DAB1: variants seen among roughly 807,000 people sequenced by gnomAD.
The protein encoded by DAB1 is DAB adaptor protein 1, also known as disabled homolog 1.
Under a neutral mutation model 64.6 loss-of-function variants are expected in DAB1, and 15 were observed. The observed-to-expected ratio is 0.23, with a 90% CI of 0.16 to 0.36. DAB1 has a LOEUF of 0.36. Among genes scored for constraint, DAB1 ranks in the 10% least tolerant of loss-of-function variants. The pLI is 1.00. For synonymous variants in DAB1, 235 were observed against 251.9 expected, an observed-to-expected ratio of 0.93 and a Z score of 0.64; for missense variants, 596 against 706.7, an observed-to-expected ratio of 0.84 and a Z score of 1.78.
At chr1:58,449,487 A>G (rs566774642) in intron 3 of DAB1, among the ~76,000 whole-genome samples, 3 of 152,324 alleles carry the variant, frequency 2.0e-5, no homozygotes, top group African/African-American at 7.2e-5. Flanking sequence ...ATAGGATAGG[A>G]GAGACCAACC....
At chr1:57,668,029 A>AT (rs150757112) in intron 6 of DAB1, among the ~76,000 whole-genome samples, 3 of 149,916 alleles carry the variant, frequency 2.0e-5, no homozygotes, top group South Asian at 4.2e-4. Flanking sequence ...TTAAAGTAAA[A>AT]TTTAAAAAAA....
At chr1:57,624,046 C>T (rs1051753293) in intron 7 of DAB1, among the ~76,000 whole-genome samples, 5 of 152,168 alleles carry the variant, frequency 3.3e-5, no homozygotes, top group African/African-American at 1.2e-4. Flanking sequence ...TCTCTGGGGA[C>T]CCCAGGCAAG....
chr1:58,446,003 CTT>C (rs975537503), intron 3 of DAB1, among the ~76,000 whole-genome samples: 7 of 152,152 alleles, frequency 4.6e-5, no homozygotes, highest in Non-Finnish European at 1.0e-4. Flanking sequence ...CCAGGACTGT[CTT>C]TGTTTTAGAA....
At chr1:57,978,587 G>T (rs1645982339) in intron 5 of DAB1, among the ~76,000 whole-genome samples, 1 of 152,116 alleles carries the variant, frequency 6.6e-6, no homozygotes, top group South Asian at 2.1e-4. Flanking sequence ...AAACTAAACG[G>T]CTTCTGCAAA....
chr1:58,262,989 C>CGA (rs1661082696), intron 4 of DAB1, among the ~76,000 whole-genome samples: 1 of 152,090 alleles, frequency 6.6e-6, no homozygotes, highest in Admixed American at 6.5e-5. Flanking sequence ...GTAACATGAG[C>CGA]GAGAAATAAA....
At chr1:57,253,173 C>T (rs570173931) in intron 2 of DAB1, among the ~76,000 whole-genome samples, 3 of 152,260 alleles carry the variant, frequency 2.0e-5, no homozygotes, top group Non-Finnish European at 4.4e-5. Flanking sequence ...GTCAGGCCAA[C>T]CAGGGCAAGC....
At chr1:57,820,875 T>G (rs1489816424) in intron 6 of DAB1, among the ~76,000 whole-genome samples, 1 of 152,212 alleles carries the variant, frequency 6.6e-6, no homozygotes, top group Non-Finnish European at 1.5e-5. Context: ...TATTGCTCAA[T>G]AGCTTATGAG....
Position 57,487,858 on chromosome 1 carries a change from T to C in DAB1, n.625+161734A>G, listed in dbSNP as rs145894841. Among the ~76,000 whole-genome samples, 1,093 of 152,334 alleles carry C rather than the reference T, an allele frequency of 7.2e-3. 8 individuals are homozygous for C. The highest frequency in any genetic ancestry group is 0.025 in the African/African-American group (1,033 of 41,568). On this transcript the variant is annotated intron_variant and non_coding_transcript_variant, in intron 7 of 20. Transcript: ENST00000485760. ...ATCAACTCAACTTTTTAACGCTGAC[T>C]AATATTCTATAATACAGATTGCCAT...
At chr1:57,362,702 C>G (rs1679653462) in intron 1 of DAB1, among the ~76,000 whole-genome samples, 1 of 152,072 alleles carries the variant, frequency 6.6e-6, no homozygotes, top group African/African-American at 2.4e-5. Context: ...CACCAGACAC[C>G]TAATCTGTCA....
chr1:58,517,806 A>T (rs1446432715), intron 2 of DAB1, among the ~76,000 whole-genome samples: 1 of 152,012 alleles, frequency 6.6e-6, no homozygotes, highest in Non-Finnish European at 1.5e-5. Flanking sequence ...TTAAATGTCA[A>T]TCCAAAGTAG....
At position 58,485,228 on chromosome 1, in the gene DAB1, T is replaced by TAAAAAAAAAAAAAAA. The variant is rs71043289; in HGVS notation, n.257+20817_257+20831dup. ...GTCTAAAAATAAAAGAGTCTACTAC[T>TAAAAAAAAAAAAAAA]AAAAAAAAAAAAAAAAAAAAAAAAA... On this transcript the variant is annotated intron_variant and non_coding_transcript_variant, in intron 3 of 20. Coordinates refer to the DAB1 transcript ENST00000485760. 1.4e-3 allele frequency among the ~76,000 whole-genome samples: 60 copies of TAAAAAAAAAAAAAAA among 42,048 alleles called. 1 individual carries two copies. Among genetic ancestry groups the TAAAAAAAAAAAAAAA allele is most frequent in the Non-Finnish European group, 2.3e-3 (55 of 24,132 alleles). 27.6% of individuals were successfully genotyped at this position (42,048 alleles called of 152,430 possible).
intron 9 of DAB1, among the ~76,000 whole-genome samples, chr1:57,059,220 A>G (rs1436472011): frequency 6.6e-6 from 1 of 152,192 alleles, no homozygotes; most frequent in Non-Finnish European, 1.5e-5. Flanking sequence ...CAAAGGTAGT[A>G]TTATTTTCTT....
chr1:57,461,804 G>A (rs1686788555), intron 7 of DAB1, among the ~76,000 whole-genome samples: 1 of 152,096 alleles, frequency 6.6e-6, no homozygotes, highest in Non-Finnish European at 1.5e-5. Context: ...CTCCCTGAGT[G>A]TGAGCTCCAC....
chr1:58,389,324 A>G (rs972243058), intron 3 of DAB1, among the ~76,000 whole-genome samples: 1 of 152,148 alleles, frequency 6.6e-6, no homozygotes, highest in Non-Finnish European at 1.5e-5. Flanking sequence ...TATAGCCCCA[A>G]CTACTCAGGA....
Position 57,493,762 on chromosome 1 carries a change from GCT to G in DAB1, n.625+155828_625+155829del, listed in dbSNP as rs143526235. Among the ~76,000 whole-genome samples, 9 of 150,200 alleles carry G rather than the reference GCT, an allele frequency of 6.0e-5. No homozygotes were observed. The South Asian group carries it at 1.0e-3, about 18-fold the overall frequency. Reference sequence around the variant, plus strand: ...AGGGAGGCAGGCTGACGTATTCACAGCTCACACACACACACACACACACACAC... The same window carrying G: ...AGGGAGGCAGGCTGACGTATTCACAGCACACACACACACACACACACACAC... On this transcript the variant is annotated intron_variant and non_coding_transcript_variant, in intron 7 of 20. Coordinates refer to the DAB1 transcript ENST00000485760.
intron 5 of DAB1, among the ~76,000 whole-genome samples, chr1:57,919,076 T>A (rs1460392912): frequency 6.6e-6 from 1 of 152,198 alleles, no homozygotes; most frequent in Non-Finnish European, 1.5e-5. Context: ...AAGAGAGACC[T>A]CAATTTGAAT....
chr1:57,744,949 C>A lies in DAB1; in HGVS notation n.552-95284G>T, dbSNP rs116823231. ...TTGGAAAACTGTGTTTTTCACAGAA[C>A]CCTGTACATTTCTAAGGAGCACTAG... On this transcript the variant is annotated intron_variant and non_coding_transcript_variant, in intron 6 of 20. Coordinates refer to the DAB1 transcript ENST00000485760. Among the ~76,000 whole-genome samples, 801 of 152,236 alleles carry A rather than the reference C, an allele frequency of 5.3e-3. 7 individuals are homozygous for A. Among genetic ancestry groups the A allele is most frequent in the African/African-American group, 0.017 (718 of 41,534 alleles).
At chr1:57,089,406 C>T (rs1178322267) in intron 4 of DAB1, among the ~76,000 whole-genome samples, 3 of 152,238 alleles carry the variant, frequency 2.0e-5, no homozygotes, top group East Asian at 1.9e-4. Context: ...CACTGTTCTT[C>T]GGGCTGTACA....
At chr1:57,088,783 G>C (rs1046965092) in intron 4 of DAB1, among the ~76,000 whole-genome samples, 2 of 152,172 alleles carry the variant, frequency 1.3e-5, no homozygotes, top group Admixed American at 1.3e-4. Flanking sequence ...AATAAAATCT[G>C]TTTCACTGCT....
Sources: gnomAD v4.1 joint callset for allele counts (sites outside exome capture counted in the v4.1 genomes callset) on GRCh38, gnomAD v4.1.1 for gene constraint, MANE v1.5 for transcripts, NCBI Gene and HGNC (gene_info 2026-07-23, HGNC 2026-07-21) for gene names.